The following SUGCT variants were observed in gnomAD, a reference collection of about 807,000 sequenced individuals.
SUGCT encodes succinyl-CoA:glutarate CoA-transferase.
In SUGCT, 41 loss-of-function variants were observed where a neutral mutation model predicts 55.0. The observed-to-expected ratio is 0.74, with a 90% CI of 0.58 to 0.97. The LOEUF is 0.97. SUGCT is among the 50% of genes least tolerant of loss of function. The pLI, the probability that SUGCT is intolerant of heterozygous loss-of-function variation, is 0.00. For missense variants in SUGCT, 568 were observed against 547.8 expected (o/e 1.04, Z -0.37); for synonymous variants, 187 against 200.4 (o/e 0.93, Z 0.56).
At chr7:41,004,067 G>C in the SUGCT span, among the ~76,000 whole-genome samples, 4 of 152,108 alleles carry the variant, frequency 2.6e-5, no homozygotes, top group Admixed American at 6.6e-5. Flanking sequence ...TTGCTTCCTG[G>C]ATCGCCCCAC....
chr7:41,001,105 T>A, the SUGCT span, among the ~76,000 whole-genome samples: 4 of 152,166 alleles, frequency 2.6e-5, no homozygotes, highest in Non-Finnish European at 5.9e-5. Flanking sequence ...GCTGGGGATA[T>A]CTACTTTCAA....
the SUGCT span, among the ~76,000 whole-genome samples, chr7:40,886,106 G>A: frequency 6.6e-6 from 1 of 152,198 alleles, no homozygotes; most frequent in Non-Finnish European, 1.5e-5. Context: ...AATATGGAGA[G>A]TCATGCTTTG....
the SUGCT span, among the ~76,000 whole-genome samples, chr7:40,898,489 G>GGGGT: frequency 1.2e-5 from 1 of 83,556 alleles, no homozygotes; most frequent in African/African-American, 4.9e-5. Context: ...TCGGGGGGGG[G>GGGGT]GGGGGGGGTG....
intron 12 of SUGCT, among the ~76,000 whole-genome samples, chr7:40,502,970 G>T (rs1301159843): frequency 1.3e-5 from 2 of 151,944 alleles, no homozygotes; most frequent in Non-Finnish European, 1.5e-5. Context: ...TTTCTTTTTG[G>T]CAACCTCCTA....
intron 9 of SUGCT, among the ~76,000 whole-genome samples, chr7:40,404,176 A>T (rs941158518): frequency 1.3e-4 from 20 of 152,186 alleles, no homozygotes; most frequent in African/African-American, 4.6e-4. Context: ...AGGAAACTCC[A>T]CTTCTGGGTG....
intron 7 of SUGCT, among the ~76,000 whole-genome samples, chr7:40,251,671 G>A (rs1790418446): frequency 6.6e-6 from 1 of 152,140 alleles, no homozygotes; most frequent in African/African-American, 2.4e-5. Flanking sequence ...CTTCCTTAAG[G>A]GTATTTTTGT....
chr7:40,804,903 C>T (rs1264654025), intron 13 of SUGCT, among the ~76,000 whole-genome samples: 2 of 152,134 alleles, frequency 1.3e-5, no homozygotes, highest in African/African-American at 2.4e-5. Flanking sequence ...GTTAAGAAAA[C>T]ATTTGGGGGA....
the SUGCT span, among the ~76,000 whole-genome samples, chr7:40,978,153 C>T: frequency 1.3e-5 from 2 of 152,140 alleles, no homozygotes; most frequent in Admixed American, 6.5e-5. Flanking sequence ...CCTGGCCAGC[C>T]CTTGGAATAC....
At chr7:40,444,697 T>G (rs1173349720) in intron 9 of SUGCT, among the ~76,000 whole-genome samples, 1 of 152,220 alleles carries the variant, frequency 6.6e-6, no homozygotes, top group Non-Finnish European at 1.5e-5. Flanking sequence ...CCTCTTTTCC[T>G]AATTGAGTAC....
intron 9 of SUGCT, among the ~76,000 whole-genome samples, chr7:40,391,485 A>C (rs1316965433): frequency 6.6e-6 from 1 of 152,238 alleles, no homozygotes; most frequent in East Asian, 1.9e-4. Flanking sequence ...ATATGAACAG[A>C]CACTTCTCAA....
the SUGCT span, among the ~76,000 whole-genome samples, chr7:41,012,755 C>A: frequency 1.3e-5 from 2 of 149,982 alleles, no homozygotes; most frequent in Non-Finnish European, 1.5e-5. Flanking sequence ...ATGTTTTATC[C>A]AGAGAAACTA....
intron 1 of SUGCT, among the ~76,000 whole-genome samples, chr7:40,159,108 C>T (rs1435990639): frequency 6.6e-6 from 1 of 151,954 alleles, no homozygotes; most frequent in Non-Finnish European, 1.5e-5. Context: ...TTTATAGAGA[C>T]AGGGTTTCCT....
chr7:40,660,476 C>A (rs1178652489), intron 12 of SUGCT, among the ~76,000 whole-genome samples: 1 of 152,122 alleles, frequency 6.6e-6, no homozygotes, highest in Non-Finnish European at 1.5e-5. Context: ...TCAGGCTGGT[C>A]TCGAACTCCT....
intron 13 of SUGCT, among the ~76,000 whole-genome samples, chr7:40,855,844 T>C (rs1305187095): frequency 6.6e-6 from 1 of 152,204 alleles, no homozygotes; most frequent in Non-Finnish European, 1.5e-5. Context: ...AAAATCCATA[T>C]TAAAAATTTT....
At chr7:40,253,721 A>G (rs940876182) in intron 7 of SUGCT, among the ~76,000 whole-genome samples, 3 of 152,318 alleles carry the variant, frequency 2.0e-5, no homozygotes, top group South Asian at 2.1e-4. Flanking sequence ...GGGTTTCGCC[A>G]TGTTGGCCAG....
intron 6 of SUGCT, among the ~76,000 whole-genome samples, chr7:40,214,985 G>A (rs576026861): frequency 3.9e-5 from 6 of 152,168 alleles, no homozygotes; most frequent in African/African-American, 9.6e-5. Flanking sequence ...GAGAGAATGC[G>A]TATGTCTACA....
intron 7 of SUGCT, among the ~76,000 whole-genome samples, chr7:40,254,122 G>A (rs749331578): frequency 2.6e-5 from 4 of 152,152 alleles, no homozygotes; most frequent in Non-Finnish European, 5.9e-5. Flanking sequence ...CCCCTAAATG[G>A]AAGGAAAGCC....
intron 12 of SUGCT, among the ~76,000 whole-genome samples, chr7:40,709,475 T>C (rs1785591280): frequency 6.6e-6 from 1 of 152,242 alleles, no homozygotes; most frequent in South Asian, 2.1e-4. Context: ...AGCCTTGGTC[T>C]GGTCCCCAGG....
intron 12 of SUGCT, among the ~76,000 whole-genome samples, chr7:40,518,444 T>C (rs917535174): frequency 5.3e-5 from 8 of 152,166 alleles, no homozygotes; most frequent in African/African-American, 1.9e-4. Context: ...ACTTATGTTG[T>C]AGAAAGATGT....
Sources: allele counts gnomAD v4.1 joint callset (sites outside exome capture counted in the v4.1 genomes callset), GRCh38; gene constraint gnomAD v4.1.1; transcripts MANE v1.5; gene names NCBI Gene and HGNC (gene_info 2026-07-23, HGNC 2026-07-21).